The following ANO2 variants were observed in gnomAD, a reference collection of about 807,000 sequenced individuals.
ANO2 encodes the protein anoctamin-2.
A neutral mutation model predicts 124.2 loss-of-function variants in ANO2; 101 were observed. That is an observed-to-expected ratio of 0.81 (90% CI 0.69 to 0.96). ANO2 has a LOEUF of 0.96. Among genes scored for constraint, ANO2 ranks in the 40% least tolerant of loss-of-function variants. The pLI is 0.00. For missense variants in ANO2, 1,293 were observed against 1,274.5 expected, an observed-to-expected ratio of 1.01 and a Z score of -0.22; for synonymous variants, 486 against 482.5, an observed-to-expected ratio of 1.01 and a Z score of -0.09.
chr12:5,573,036 T>G (rs1156752557), intron 23 of ANO2, among the ~76,000 whole-genome samples: 1 of 152,182 alleles, frequency 6.6e-6, no homozygotes, highest in African/African-American at 2.4e-5. Flanking sequence ...GCATTGGTTG[T>G]TTTGGCTGAG....
chr12:5,686,493 T>A (rs1055367029), intron 14 of ANO2, among the ~76,000 whole-genome samples: 13 of 152,202 alleles, frequency 8.5e-5, no homozygotes, highest in Non-Finnish European at 1.9e-4. Flanking sequence ...ACTCCTACTG[T>A]TAAGGAGTGC....
intron 3 of ANO2, among the ~76,000 whole-genome samples, chr12:5,878,682 T>C (rs1436624570): frequency 6.6e-6 from 1 of 152,214 alleles, no homozygotes. Flanking sequence ...GATCCCTCAA[T>C]GAGCCAACAG....
upstream of ANO2, among the ~76,000 whole-genome samples, chr12:5,945,874 C>T (rs6416322): frequency 0.8 from 122,175 of 152,124 alleles, 49,338 homozygotes; most frequent in East Asian, 0.97. Flanking sequence ...GTCCATTTTA[C>T]AAGAGCTCTC....
At chr12:5,686,354 C>T (rs966294033) in intron 14 of ANO2, among the ~76,000 whole-genome samples, 10 of 152,114 alleles carry the variant, frequency 6.6e-5, no homozygotes, top group Non-Finnish European at 1.2e-4. Context: ...CTTAGATGAA[C>T]CTCAGTGTAT....
chr12:5,717,278 C>T (rs556858901), intron 14 of ANO2, among the ~76,000 whole-genome samples: 36 of 152,262 alleles, frequency 2.4e-4, no homozygotes, highest in South Asian at 4.1e-4. Flanking sequence ...CAAGCTGGTG[C>T]GCATTTGTCA....
chr12:5,813,236 G>A (rs1010486504), intron 7 of ANO2, among the ~76,000 whole-genome samples: 5 of 152,184 alleles, frequency 3.3e-5, no homozygotes, highest in African/African-American at 9.7e-5. Flanking sequence ...TCTTTGGGGG[G>A]TCAGAACCCC....
chr12:5,599,921 C>T (rs1455917932), intron 19 of ANO2, among the ~76,000 whole-genome samples: 1 of 152,214 alleles, frequency 6.6e-6, no homozygotes, highest in African/African-American at 2.4e-5. Context: ...TTGGCCCTTC[C>T]TGCCAATGCT....
At chr12:5,773,957 A>C (rs1036970958) in intron 10 of ANO2, among the ~76,000 whole-genome samples, 101 of 152,338 alleles carry the variant, frequency 6.6e-4, no homozygotes, top group Admixed American at 2.4e-3. Context: ...CGAAGACAGC[A>C]TATGAAAAGT....
At chr12:5,621,970 G>C (rs926408772) in intron 16 of ANO2, among the ~76,000 whole-genome samples, 2 of 152,060 alleles carry the variant, frequency 1.3e-5, no homozygotes, top group African/African-American at 4.8e-5. Flanking sequence ...CCTCTGTCCA[G>C]GGTGCCTGAG....
At chr12:5,689,351 A>G (rs1948837001) in intron 14 of ANO2, among the ~76,000 whole-genome samples, 1 of 152,138 alleles carries the variant, frequency 6.6e-6, no homozygotes, top group Admixed American at 6.5e-5. Flanking sequence ...TTAGAGTAAA[A>G]GCCCAGGAGT....
At chr12:5,871,271 GA>G (rs1937674762) in intron 3 of ANO2, among the ~76,000 whole-genome samples, 1 of 152,134 alleles carries the variant, frequency 6.6e-6, no homozygotes, top group African/African-American at 2.4e-5. Flanking sequence ...CCCTCCTGGG[GA>G]TATTTATATT....
chr12:5,808,455 G>GAGGGA (rs1031939165), intron 7 of ANO2, among the ~76,000 whole-genome samples: 1 of 152,108 alleles, frequency 6.6e-6, no homozygotes, highest in African/African-American at 2.4e-5. Flanking sequence ...TTCCAGATGG[G>GAGGGA]AGGGATTATG....
chr12:5,877,004 C>A (rs1565742268), intron 3 of ANO2, among the ~76,000 whole-genome samples: 1 of 152,160 alleles, frequency 6.6e-6, no homozygotes. Flanking sequence ...AATAAACATT[C>A]TTTCATCAAT....
At chr12:5,726,194 T>C (rs949525049) in intron 14 of ANO2, among the ~76,000 whole-genome samples, 1 of 152,218 alleles carries the variant, frequency 6.6e-6, no homozygotes, top group Admixed American at 6.5e-5. Context: ...CAGTATTCTT[T>C]CTTGAAAACA....
intron 10 of ANO2, among the ~76,000 whole-genome samples, chr12:5,757,463 G>C (rs1489397240): frequency 6.6e-6 from 1 of 152,116 alleles, no homozygotes; most frequent in Non-Finnish European, 1.5e-5. Context: ...AATCTACCAA[G>C]GAGCAATATA....
intron 14 of ANO2, among the ~76,000 whole-genome samples, chr12:5,690,960 T>C (rs1355994075): frequency 6.6e-6 from 1 of 152,228 alleles, no homozygotes; most frequent in Non-Finnish European, 1.5e-5. Context: ...AGGGAGCATA[T>C]GACAATGACA....
chr12:5,664,737 G>A (rs1309626366), intron 14 of ANO2, among the ~76,000 whole-genome samples: 1 of 152,146 alleles, frequency 6.6e-6, no homozygotes, highest in East Asian at 1.9e-4. Context: ...CCCCCATACT[G>A]AAAAACAGAA....
chr12:5,936,634 T>C (rs993659753), intron 1 of ANO2, among the ~76,000 whole-genome samples: 1 of 152,260 alleles, frequency 6.6e-6, no homozygotes, highest in Non-Finnish European at 1.5e-5. Context: ...AGCCAGTCTC[T>C]GGCATTTTGT....
At chr12:5,752,689 GTTGA>G in intron 10 of ANO2, among the ~76,000 whole-genome samples, 1 of 152,222 alleles carries the variant, frequency 6.6e-6, no homozygotes, top group South Asian at 2.1e-4. Context: ...CTTTCACTCT[GTTGA>G]TTGTTTCCTT....
Sources: gnomAD v4.1 joint callset for allele counts (sites outside exome capture counted in the v4.1 genomes callset) on GRCh38, gnomAD v4.1.1 for gene constraint, MANE v1.5 for transcripts, NCBI Gene and HGNC (gene_info 2026-07-23, HGNC 2026-07-21) for gene names.